The following GALNS variants were observed in gnomAD, a reference collection of about 807,000 sequenced individuals.
GALNS encodes galactosamine (N-acetyl)-6-sulfatase, also known as N-acetylgalactosamine-6-sulfatase.
Under a neutral mutation model 65.9 loss-of-function variants are expected in GALNS, and 65 were observed. The observed-to-expected ratio is 0.99, with a 90% CI of 0.81 to 1.21. The LOEUF (loss-of-function observed/expected upper bound fraction) is 1.21, where lower values mean the gene tolerates loss of function less well. Among genes scored for constraint, GALNS ranks in the 50% most tolerant of loss-of-function variants. The probability of loss-of-function intolerance (pLI) is 0.00; values close to 1 mark genes in which losing one functional copy is unlikely to be tolerated. For synonymous variants in GALNS, 346 were observed against 288.9 expected, an observed-to-expected ratio of 1.20 and a Z score of -2.00; for missense variants, 776 against 700.7, an observed-to-expected ratio of 1.11 and a Z score of -1.21.
intron 11 of GALNS, among the ~76,000 whole-genome samples, chr16:88,824,050 T>C (rs1597538959): frequency 6.6e-6 from 1 of 152,090 alleles, no homozygotes; most frequent in South Asian, 2.1e-4. Flanking sequence ...CAGCCCCAGT[T>C]CTCACTTCCA....
At chr16:88,850,854 A>T (rs1262689203) in intron 1 of GALNS, among the ~76,000 whole-genome samples, 1 of 152,236 alleles carries the variant, frequency 6.6e-6, no homozygotes, top group East Asian at 1.9e-4. Context: ...TATGCCCAGA[A>T]GGAGGATGCT....
At chr16:88,831,331 C>T (rs1248893226) in intron 9 of GALNS, among the ~76,000 whole-genome samples, 4 of 6,410 alleles carry the variant, frequency 6.2e-4, no homozygotes, top group African/African-American at 1.6e-3. Context: ...GCGGTGAGGC[C>T]GAGCACGGGG....
At chr16:88,832,793 G>A (rs939835757) in intron 8 of GALNS, among the ~76,000 whole-genome samples, 7 of 152,304 alleles carry the variant, frequency 4.6e-5, no homozygotes, top group African/African-American at 1.4e-4. Context: ...GGCTGCGGTG[G>A]CTCATACCTG....
chr16:88,842,094 G>A, intron 2 of GALNS, 123 bp from the exon 3 acceptor site: 1 of 844,816 alleles, frequency 1.2e-6, no homozygotes. Context: ...GGTTTACAAG[G>A]GGCTGCCACG....
intron 12 of GALNS, among the ~76,000 whole-genome samples, chr16:88,821,816 C>G (rs545186035): frequency 1.4e-4 from 22 of 152,300 alleles, no homozygotes; most frequent in Admixed American, 1.0e-3. Context: ...CGCCACTCCC[C>G]TGATGCTCCT....
At chr16:88,842,859 G>A (rs1444521779) in intron 1 of GALNS, 30 bp from the exon 2 acceptor site, 2 of 1,610,832 alleles carry the variant, frequency 1.2e-6, no homozygotes, top group South Asian at 1.1e-5. Flanking sequence ...GAGGAGGAAT[G>A]AGCGCCTTCT....
chr16:88,843,025 CA>C lies in GALNS; in HGVS notation c.121-197del, dbSNP rs1344637744. ...ACGATGGGGCCGCTCCACGCCAGCC[CA>C]AACCTCAGCATCGCCTGCGTGCGTG... On this transcript the variant is annotated intron_variant, in intron 1 of 13. Transcript: ENST00000268695. The C allele has an allele frequency of 3.3e-6, 5 of 1,525,986 alleles. No individual in the cohort carries two copies. The Admixed American group carries it at 9.9e-5, about 30-fold the overall frequency. 94.5% of individuals were successfully genotyped at this position (1,525,986 alleles called of 1,614,324 possible). A position where few individuals can be genotyped will look rare whatever the true frequency, so the allele number is the denominator to read the frequency against.
chr16:88,823,151 G>A (rs1020544865), intron 11 of GALNS, among the ~76,000 whole-genome samples: 3 of 152,166 alleles, frequency 2.0e-5, no homozygotes, highest in African/African-American at 4.8e-5. Flanking sequence ...GCTGGGGAAG[G>A]GAGGGGAGGG....
At chr16:88,842,074 G>GGCACGC (rs1239947350) in intron 2 of GALNS, 103 bp from the exon 3 acceptor site, 1 of 1,014,810 alleles carries the variant, frequency 9.9e-7, no homozygotes, top group African/African-American at 1.6e-5. Context: ...TGACAGACGA[G>GGCACGC]GCACGCGCAG....
chr16:88,834,213 C>T (rs1911824095), intron 8 of GALNS, among the ~76,000 whole-genome samples: 1 of 152,394 alleles, frequency 6.6e-6, no homozygotes, highest in South Asian at 2.1e-4. Context: ...TCTGTTTTGG[C>T]TTTCAGCTGT....
intron 4 of GALNS, 25 bp downstream of exon 4, chr16:88,840,966 TG>T: frequency 1.3e-6 from 2 of 1,578,470 alleles, no homozygotes; most frequent in Non-Finnish European, 1.7e-6. Flanking sequence ...GCAGGACGCC[TG>T]GGCAGGCGTG....
Position 88,826,763 on chromosome 16 carries a change from C to A in GALNS, c.1078G>T (p.Asp360Tyr), listed in dbSNP as rs202031547. ...AGGTTGAGGCCATCAATGGCCCTGT[C>A]GCTGGGCGGCGTCAGGCCCGCAAGG... ...LALAGLTPPSDRAIDGLNLLP... is the reference protein window; with the variant it reads ...LALAGLTPPSYRAIDGLNLLP... The change falls in exon 10 of 14, where the codon GAC becomes TAC. Residue 360 changes from aspartate (D) to tyrosine (Y), a missense_variant. Coordinates refer to ENST00000268695, the MANE Select transcript of GALNS (RefSeq NM_000512.5). 6.2e-7 allele frequency: 1 copy of A among 1,609,824 alleles called. No individual in the cohort carries two copies. Among genetic ancestry groups the A allele is most frequent in the African/African-American group, 1.3e-5 (1 of 74,876 alleles).
At chr16:88,822,453 G>T in intron 12 of GALNS, 136 bp downstream of exon 12, 3 of 1,182,852 alleles carry the variant, frequency 2.5e-6, no homozygotes, top group Non-Finnish European at 3.7e-6. Context: ...GCACGTGTGG[G>T]TATGAATAGC....
At position 88,843,162 on chromosome 16, in the gene GALNS, C is replaced by T. The variant is rs750677599; in HGVS notation, c.121-333G>A. On this transcript the variant is annotated intron_variant, in intron 1 of 13. Coordinates refer to ENST00000268695, the MANE Select transcript of GALNS (RefSeq NM_000512.5). ...CCTCCTCCCAGCCTGACACCAGCAT[C>T]TGCATGCTCGCAGGAGCTGGCCTCT... 2.1e-6 allele frequency: 3 copies of T among 1,401,726 alleles called. No individual in the cohort carries two copies. The South Asian group carries it at 3.7e-5, about 17-fold the overall frequency. 86.8% of individuals were successfully genotyped at this position (1,401,726 alleles called of 1,614,324 possible).
chr16:88,819,290 C>T (rs1162525730), intron 12 of GALNS, among the ~76,000 whole-genome samples: 1 of 152,050 alleles, frequency 6.6e-6, no homozygotes, highest in Non-Finnish European at 1.5e-5. Flanking sequence ...TTCAGGAGAG[C>T]TGGGGTCCTT....
At chr16:88,831,213 G>A (rs943766807) in intron 9 of GALNS, among the ~76,000 whole-genome samples, 5 of 152,018 alleles carry the variant, frequency 3.3e-5, no homozygotes, top group Non-Finnish European at 5.9e-5. Flanking sequence ...TCCGAGGAGA[G>A]CGGTGAGGCC....
intron 13 of GALNS, chr16:88,816,763 C>T (rs1909670999): frequency 8.1e-6 from 8 of 985,448 alleles, no homozygotes; most frequent in Non-Finnish European, 9.6e-6. Context: ...TCCCACGCTG[C>T]AGCCGGGTCT....
At chr16:88,841,765 C>T in intron 3 of GALNS, 132 bp downstream of exon 3, 1 of 810,528 alleles carries the variant, frequency 1.2e-6, no homozygotes, top group East Asian at 2.7e-5. Context: ...CACCTAAGTC[C>T]CAGAGACCCA....
At chr16:88,828,483 AG>A (rs1911153921) in intron 9 of GALNS, among the ~76,000 whole-genome samples, 1 of 152,228 alleles carries the variant, frequency 6.6e-6, no homozygotes, top group South Asian at 2.1e-4. Context: ...CCCTGCCCAG[AG>A]GGAACTGTCG....
Sources: gnomAD v4.1 joint callset for allele counts (sites outside exome capture counted in the v4.1 genomes callset) on GRCh38, gnomAD v4.1.1 for gene constraint, MANE v1.5 for transcripts, NCBI Gene and HGNC (gene_info 2026-07-23, HGNC 2026-07-21) for gene names.